Variants in GADL1 observed in about 807,000 individuals in gnomAD.
GADL1 encodes acidic amino acid decarboxylase GADL1.
Under a neutral mutation model 69.5 loss-of-function variants are expected in GADL1, and 71 were observed. That is an observed-to-expected ratio of 1.02 (90% CI 0.84 to 1.25). The LOEUF (loss-of-function observed/expected upper bound fraction) is 1.25. Ranked by LOEUF, GADL1 falls within the 50% of genes most tolerant of loss-of-function variation. The pLI is 0.00. For missense variants in GADL1, 737 were observed against 631.8 expected (o/e 1.17, Z -1.79); for synonymous variants, 254 against 214.4 (o/e 1.18, Z -1.62).
At chr3:30,849,888 A>G in intron 6 of GADL1, 108 bp downstream of exon 6, 1 of 663,668 alleles carries the variant, frequency 1.5e-6, no homozygotes, top group East Asian at 2.7e-5. Flanking sequence ...ACTGCAGCAT[A>G]TTAGTCACAT....
At chr3:30,806,949 A>C (rs1440861036) in intron 11 of GADL1, among the ~76,000 whole-genome samples, 1 of 152,334 alleles carries the variant, frequency 6.6e-6, no homozygotes, top group African/African-American at 2.4e-5. Flanking sequence ...AATCTGGCAG[A>C]ATAAAGTGAG....
rs1575234965 is a variant in GADL1, at chr3:30,852,478, T to A, written c.429-1537A>T. Among the ~76,000 whole-genome samples the A allele has an allele frequency of 3.9e-5, 6 of 152,148 alleles. No homozygotes were observed. In the South Asian group the frequency reaches 1.2e-3, roughly 32 times the overall value. On this transcript the variant is annotated intron_variant, in intron 4 of 14. Coordinates refer to ENST00000282538, the MANE Select transcript of GADL1 (RefSeq NM_207359.3). Reference sequence around the variant, plus strand: ...GTAAGCTGAGATCATGCCACTGCACTCCAGTCTGGGCAACAGAGCAAGATT... The same window carrying A: ...GTAAGCTGAGATCATGCCACTGCACACCAGTCTGGGCAACAGAGCAAGATT...
chr3:30,765,976 A>T (rs917502517), intron 14 of GADL1, among the ~76,000 whole-genome samples: 1 of 152,204 alleles, frequency 6.6e-6, no homozygotes, highest in Non-Finnish European at 1.5e-5. Flanking sequence ...AGAGTATATG[A>T]AAAGGGGTAC....
chr3:30,875,426 C>A (rs1328282554), intron 1 of GADL1, among the ~76,000 whole-genome samples: 1 of 151,874 alleles, frequency 6.6e-6, no homozygotes, highest in African/African-American at 2.4e-5. Flanking sequence ...TAGAATTAGG[C>A]TTGAAGTCCA....
In GADL1 at chr3:30,887,961, C is replaced by T. The variant is rs375107545; in HGVS notation, c.37+6617G>A. On this transcript the variant is annotated intron_variant, in intron 1 of 14. Coordinates refer to ENST00000282538, the MANE Select transcript of GADL1 (RefSeq NM_207359.3). ...CTATGGATACCAAAACCCGAGGCTGCTCAAGTCCCTTACGTGAAAGGGTAT... is the reference window on the plus strand; with the variant it reads ...CTATGGATACCAAAACCCGAGGCTGTTCAAGTCCCTTACGTGAAAGGGTAT... Among the ~76,000 whole-genome samples, 106 of 152,300 alleles carry T rather than the reference C, an allele frequency of 7.0e-4. 1 individual carries two copies. Among genetic ancestry groups the T allele is most frequent in the African/African-American group, 2.4e-3 (101 of 41,570 alleles).
rs934297082 is a variant in GADL1, at chr3:30,778,073, C to G, written c.1392+106G>C. On this transcript the variant is annotated intron_variant, in intron 14 of 14. Transcript: ENST00000282538. ...TTTTAACAAACTAGAAGACACTTCTCTAGATAATTCTGTGCTTGCTAGGCC... is the reference window on the plus strand; with the variant it reads ...TTTTAACAAACTAGAAGACACTTCTGTAGATAATTCTGTGCTTGCTAGGCC... 2.8e-5 allele frequency: 19 copies of G among 668,180 alleles called. No individual in the cohort carries two copies. In the African/African-American group the frequency reaches 2.9e-4, roughly 10 times the overall value. 41.4% of individuals were successfully genotyped at this position (668,180 alleles called of 1,614,324 possible).
chr3:30,733,181 A>C (rs1348368653), intron 14 of GADL1, among the ~76,000 whole-genome samples: 1 of 152,220 alleles, frequency 6.6e-6, no homozygotes, highest in Non-Finnish European at 1.5e-5. Context: ...TAAAAATACA[A>C]GCCCAATTTT....
chr3:30,745,933 T>G (rs1409769215), intron 14 of GADL1, among the ~76,000 whole-genome samples: 2 of 151,766 alleles, frequency 1.3e-5, no homozygotes, highest in East Asian at 1.9e-4. Context: ...CTTCTTCTCC[T>G]TCCCCTTCCC....
intron 11 of GADL1, among the ~76,000 whole-genome samples, chr3:30,810,757 G>C (rs748953750): frequency 6.6e-6 from 1 of 151,902 alleles, no homozygotes; most frequent in Non-Finnish European, 1.5e-5. Flanking sequence ...CTTTCTTCTC[G>C]CTTGTCATCC....
chr3:30,821,300 G>A (rs187105564), intron 11 of GADL1, among the ~76,000 whole-genome samples: 99 of 152,038 alleles, frequency 6.5e-4, no homozygotes, highest in African/African-American at 2.4e-3. Context: ...TGCACGTTGT[G>A]CACATGTACC....
chr3:30,762,291 G>T (rs1298585795), intron 14 of GADL1, among the ~76,000 whole-genome samples: 1 of 152,016 alleles, frequency 6.6e-6, no homozygotes, highest in Non-Finnish European at 1.5e-5. Context: ...GAGAAGTGAG[G>T]ACATATGCTT....
At chr3:30,823,034 A>G (rs1308705060) in intron 11 of GADL1, among the ~76,000 whole-genome samples, 1 of 152,050 alleles carries the variant, frequency 6.6e-6, no homozygotes, top group Non-Finnish European at 1.5e-5. Flanking sequence ...AAAGGAATAG[A>G]TGAATTAAAG....
chr3:30,808,862 TGA>T (rs1357265600), intron 11 of GADL1, among the ~76,000 whole-genome samples: 1 of 152,236 alleles, frequency 6.6e-6, no homozygotes, highest in African/African-American at 2.4e-5. Context: ...ATGATAAGAA[TGA>T]GAGCAGGTCA....
At chr3:30,735,549 A>T (rs1292938528) in intron 14 of GADL1, among the ~76,000 whole-genome samples, 3 of 152,196 alleles carry the variant, frequency 2.0e-5, no homozygotes, top group Non-Finnish European at 4.4e-5. Flanking sequence ...GCTGCCTTCT[A>T]TATGTTTCCA....
intron 14 of GADL1, among the ~76,000 whole-genome samples, chr3:30,752,156 G>A (rs569048731): frequency 3.3e-5 from 5 of 151,202 alleles, no homozygotes; most frequent in African/African-American, 9.8e-5. Flanking sequence ...AGCTTGAGCA[G>A]AAGATGCGGC....
intron 1 of GADL1, among the ~76,000 whole-genome samples, chr3:30,887,788 C>T (rs560662602): frequency 7.0e-4 from 107 of 152,214 alleles, no homozygotes; most frequent in African/African-American, 2.4e-3. Context: ...AGAATCTATA[C>T]ATTAAAAAGA....
At chr3:30,832,149 C>T (rs1697803114) in intron 11 of GADL1, among the ~76,000 whole-genome samples, 1 of 151,654 alleles carries the variant, frequency 6.6e-6, no homozygotes, top group Admixed American at 6.6e-5. Context: ...ATTGCCACAT[C>T]TCATATCTCA....
chr3:30,793,854 C>A (rs1462607317), intron 12 of GADL1, among the ~76,000 whole-genome samples: 1 of 152,162 alleles, frequency 6.6e-6, no homozygotes, highest in Non-Finnish European at 1.5e-5. Flanking sequence ...CTCCTAGTCT[C>A]ATCTTCTCAT....
intron 8 of GADL1, among the ~76,000 whole-genome samples, chr3:30,843,610 A>T (rs1698005711): frequency 6.6e-6 from 1 of 152,232 alleles, no homozygotes. Context: ...GCTGGAGCAC[A>T]GCAGGTGCCC....
Sources: gnomAD v4.1 joint callset for allele counts (sites outside exome capture counted in the v4.1 genomes callset) on GRCh38, gnomAD v4.1.1 for gene constraint, MANE v1.5 for transcripts, NCBI Gene and HGNC (gene_info 2026-07-23, HGNC 2026-07-21) for gene names.